TECPR2: variants seen among roughly 807,000 people sequenced by gnomAD.
TECPR2 encodes tectonin beta-propeller repeat-containing protein 2.
A neutral mutation model predicts 138.1 loss-of-function variants in TECPR2; 65 were observed. That is an observed-to-expected ratio of 0.47 (90% CI 0.39 to 0.58). The LOEUF is 0.58. Among genes scored for constraint, TECPR2 ranks in the 20% least tolerant of loss-of-function variants. TECPR2 has a pLI of 0.00. For missense variants in TECPR2, 1,553 were observed against 1,824.5 expected (o/e 0.85, Z 2.71); for synonymous variants, 746 against 749.8 (o/e 0.99, Z 0.08).
At chr14:102,380,902 T>C (rs555757046) in intron 2 of TECPR2, among the ~76,000 whole-genome samples, 1 of 151,284 alleles carries the variant, frequency 6.6e-6, no homozygotes, top group Non-Finnish European at 1.5e-5. Context: ...ATGGTCTCGA[T>C]CTCCTGACCT....
At chr14:102,475,257 G>A (rs927049184) in intron 17 of TECPR2, among the ~76,000 whole-genome samples, 9 of 152,312 alleles carry the variant, frequency 5.9e-5, no homozygotes, top group Middle Eastern at 6.8e-3. Context: ...TAAGCAGAGG[G>A]GACATGAAGT....
intron 16 of TECPR2, among the ~76,000 whole-genome samples, chr14:102,460,796 G>A (rs1043028164): frequency 2.6e-4 from 39 of 148,370 alleles, no homozygotes; most frequent in African/African-American, 9.2e-4. Context: ...CCAGCTTCAC[G>A]CCATCCTCCT....
intron 17 of TECPR2, chr14:102,465,506 T>G: frequency 7.8e-7 from 1 of 1,283,894 alleles, no homozygotes; most frequent in Non-Finnish European, 9.8e-7. Context: ...AGATTATGAG[T>G]CAACACGTAT....
rs545242452 is a variant in TECPR2, at chr14:102,376,553, A to G, written c.-72-97A>G. 1.6e-5 allele frequency: 10 copies of G among 622,538 alleles called. No individual in the cohort carries two copies. In the South Asian group the frequency reaches 1.8e-4, roughly 11 times the overall value. The allele number at this position is 622,538 out of a possible 1,614,324, so 38.6% of individuals were successfully genotyped here. ...CCTGTTTATTTAAGCTCCAGCTATA[A>G]TGTTTACCTGCCTAAAAGTTCCATG... is the stretch of plus-strand genomic sequence containing the variant. On this transcript the variant is annotated intron_variant, in intron 1 of 19. Coordinates refer to ENST00000359520, the MANE Select transcript of TECPR2 (RefSeq NM_014844.5).
rs777330813 is a variant in TECPR2 at position 102,414,988 on chromosome 14, T to C, written c.638+195T>C. ...CCCAGAGGCAGACAAGAAGAGTGTG[T>C]TCTTCTTGTCGCAGAGCTGTAGGAG... On this transcript the variant is annotated intron_variant, in intron 5 of 19. Transcript: ENST00000359520. 4.3e-4 allele frequency among the ~76,000 whole-genome samples: 66 copies of C among 152,104 alleles called. 1 individual carries two copies. The highest frequency in any genetic ancestry group is 4.9e-4 in the Non-Finnish European group (33 of 68,018).
chr14:102,371,107 A>G (rs1887495089), intron 1 of TECPR2, among the ~76,000 whole-genome samples: 1 of 152,012 alleles, frequency 6.6e-6, no homozygotes, highest in African/African-American at 2.4e-5. Flanking sequence ...GAGCATTGGG[A>G]TTTGAACTTG....
chr14:102,445,002 G>A (rs1021513087), intron 12 of TECPR2, among the ~76,000 whole-genome samples: 4 of 152,204 alleles, frequency 2.6e-5, no homozygotes, highest in African/African-American at 7.2e-5. Context: ...GGTGCTAGGG[G>A]CTGGGTGCGC....
chr14:102,418,721 G>A (rs1334033924), intron 5 of TECPR2, among the ~76,000 whole-genome samples: 1 of 152,214 alleles, frequency 6.6e-6, no homozygotes, highest in African/African-American at 2.4e-5. Context: ...GGGGGCAGGT[G>A]TGGCAGCTCA....
In TECPR2 at chr14:102,498,651, T is replaced by C. The variant is rs549700585; in HGVS notation, c.*394T>C. On this transcript the variant is annotated 3_prime_UTR_variant, in exon 20 of 20. Transcript: ENST00000359520. ...TTTGGCCCAGGGCCTCCTTCCACAT[T>C]AGTAGCCCCAGGGCCAGATGGAGCC... 1.3e-4 allele frequency: 51 copies of C among 392,316 alleles called. No individual in the cohort carries two copies. Among genetic ancestry groups the C allele is most frequent in the Non-Finnish European group, 2.4e-4 (48 of 204,236 alleles). The allele number at this position is 392,316 out of a possible 1,614,324, so 24.3% of individuals were successfully genotyped here. A position where few individuals can be genotyped will look rare whatever the true frequency, so the allele number is the denominator to read the frequency against.
intron 17 of TECPR2, among the ~76,000 whole-genome samples, chr14:102,483,700 T>C (rs1349222216): frequency 1.3e-5 from 2 of 151,400 alleles, no homozygotes; most frequent in South Asian, 2.1e-4. Context: ...CACCTTGGCC[T>C]CCCAAAGTGC....
chr14:102,432,108 A>T lies in TECPR2; in HGVS notation c.1397A>T (p.Lys466Met). ...GTGAAGCCTATCAAAGTGAAAAGGA[A>T]GAAGAAGAAGAAGAAGACAGGTACC... ...LVVKPIKVKR[K>M]KKKKKTEGGS... Residue 466 changes from lysine to methionine, a missense_variant, in exon 8 of 20, where the codon AAG (lysine) becomes ATG (methionine). By Grantham distance (95) the Lys-to-Met change is moderately conservative. Transcript: ENST00000359520. The T allele has an allele frequency of 6.5e-7, 1 of 1,549,048 alleles. No individual in the cohort carries two copies. Among genetic ancestry groups the T allele is most frequent in the Non-Finnish European group, 8.8e-7 (1 of 1,142,648 alleles).
At chr14:102,487,578 C>CT (rs985010174) in intron 17 of TECPR2, among the ~76,000 whole-genome samples, 1 of 152,138 alleles carries the variant, frequency 6.6e-6, no homozygotes, top group Non-Finnish European at 1.5e-5. Flanking sequence ...GTCTCGCTCT[C>CT]TCCCCCAAGC....
Position 102,498,402 on chromosome 14 carries a change from T to C in TECPR2, c.*145T>C, listed in dbSNP as rs148747529. The C allele has an allele frequency of 3.5e-5, 37 of 1,061,078 alleles. No homozygotes were observed. Among genetic ancestry groups the C allele is most frequent in the Admixed American group, 5.7e-5 (2 of 34,984 alleles). 65.7% of individuals were successfully genotyped at this position (1,061,078 alleles called of 1,614,324 possible). On this transcript the variant is annotated 3_prime_UTR_variant, in exon 20 of 20. Coordinates refer to ENST00000359520, the MANE Select transcript of TECPR2 (RefSeq NM_014844.5). ...GGACCCGCACACTTACTTTCATCTA[T>C]GTTGGTTTCTGTCTCGTTCCAGAAC...
intron 1 of TECPR2, among the ~76,000 whole-genome samples, chr14:102,368,480 A>G (rs1887406803): frequency 6.6e-6 from 1 of 152,214 alleles, no homozygotes; most frequent in Non-Finnish European, 1.5e-5. Flanking sequence ...AGCTGAGACT[A>G]TAGCCACGTG....
At chr14:102,444,195 CT>C (rs111476747) in intron 12 of TECPR2, among the ~76,000 whole-genome samples, 44,248 of 138,478 alleles carry the variant, frequency 0.32, 6,269 homozygotes, top group Non-Finnish European at 0.36. Flanking sequence ...TGAACTGTAG[CT>C]TTTTTTTTTT....
At chr14:102,440,332 G>A in intron 10 of TECPR2, 104 bp from the exon 11 acceptor site, 4 of 1,457,522 alleles carry the variant, frequency 2.7e-6, no homozygotes, top group Non-Finnish European at 3.7e-6. Context: ...AGAACAGGAT[G>A]TGTTTTAGAA....
In TECPR2 at chr14:102,395,820, C is replaced by A. The variant is rs551249390; in HGVS notation, c.220-11518C>A. Among the ~76,000 whole-genome samples the A allele has an allele frequency of 6.6e-5, 10 of 152,224 alleles. 1 individual carries two copies. Among genetic ancestry groups the A allele is most frequent in the South Asian group, 4.2e-4 (2 of 4,818 alleles). On this transcript the variant is annotated intron_variant, in intron 2 of 19. Transcript: ENST00000359520. Reference sequence around the variant, plus strand: ...CTCCAAAAAACTAAACTAAACTAAACTAAAATAAACCAACATATTAAACTT... The same window carrying A: ...CTCCAAAAAACTAAACTAAACTAAAATAAAATAAACCAACATATTAAACTT...
At chr14:102,431,735 A>T (rs1889496747) in intron 7 of TECPR2, 61 bp from the exon 8 acceptor site, 1 of 1,463,798 alleles carries the variant, frequency 6.8e-7, no homozygotes, top group Non-Finnish European at 9.2e-7. Flanking sequence ...GCAAACGTGG[A>T]TAAGTGCACA....
At chr14:102,459,692 C>T (rs887718438) in intron 16 of TECPR2, among the ~76,000 whole-genome samples, 19 of 152,154 alleles carry the variant, frequency 1.2e-4, no homozygotes, top group African/African-American at 2.4e-4. Context: ...CGCTTGAACC[C>T]GGGAGGTGGA....
Sources: allele counts gnomAD v4.1 joint callset (sites outside exome capture counted in the v4.1 genomes callset), GRCh38; gene constraint gnomAD v4.1.1; transcripts MANE v1.5; gene names NCBI Gene and HGNC (gene_info 2026-07-23, HGNC 2026-07-21).